Variants in TYW1B observed in about 807,000 individuals in gnomAD.
TYW1B encodes S-adenosyl-L-methionine-dependent tRNA 4-demethylwyosine synthase TYW1B.
A neutral mutation model predicts 86.9 loss-of-function variants in TYW1B; 73 were observed. The observed-to-expected ratio is 0.84, with a 90% confidence interval of 0.70 to 1.02. The LOEUF (loss-of-function observed/expected upper bound fraction) is 1.02, where lower values mean the gene tolerates loss of function less well. Among genes scored for constraint, TYW1B ranks in the 50% least tolerant of loss-of-function variants. TYW1B has a pLI of 0.00. For missense variants in TYW1B, 637 were observed against 827.4 expected, an observed-to-expected ratio of 0.77 and a Z score of 2.82; for synonymous variants, 248 against 292.8, an observed-to-expected ratio of 0.85 and a Z score of 1.56.
intron 6 of TYW1B, among the ~76,000 whole-genome samples, chr7:72,788,111 G>A (rs1179603665): frequency 6.6e-6 from 1 of 151,932 alleles, no homozygotes; most frequent in Non-Finnish European, 1.5e-5. Context: ...CCGAGTAGCT[G>A]GGACTATAGG....
Sources: allele counts gnomAD v4.1 joint callset (sites outside exome capture counted in the v4.1 genomes callset), GRCh38; gene constraint gnomAD v4.1.1; transcripts MANE v1.5; gene names NCBI Gene and HGNC (gene_info 2026-07-23, HGNC 2026-07-21).